DYNC1I1: variants seen among roughly 807,000 people sequenced by gnomAD.
The protein encoded by DYNC1I1 is dynein cytoplasmic 1 intermediate chain 1.
Under a neutral mutation model 86.6 loss-of-function variants are expected in DYNC1I1, and 43 were observed. The ratio of observed to expected loss-of-function variants is 0.50; its 90% CI spans 0.39 to 0.64. The LOEUF (loss-of-function observed/expected upper bound fraction) is 0.64, where lower values mean the gene tolerates loss of function less well. Ranked by LOEUF, DYNC1I1 falls within the 30% of genes least tolerant of loss-of-function variation. The pLI is 0.00. For missense variants in DYNC1I1, 604 were observed against 788.8 expected (o/e 0.77, Z 2.81); for synonymous variants, 262 against 283.7 (o/e 0.92, Z 0.77).
chr7:96,105,967 TTAATGTACATAGAATCA>T (rs1274790120), intron 16 of DYNC1I1, among the ~76,000 whole-genome samples: 1 of 152,190 alleles, frequency 6.6e-6, no homozygotes, highest in Non-Finnish European at 1.5e-5. Context: ...TTATTACCCT[TTAATGTACATAGAATCA>T]TAATGACATC....
At chr7:95,945,780 G>A (rs576805215) in intron 6 of DYNC1I1, among the ~76,000 whole-genome samples, 24 of 152,102 alleles carry the variant, frequency 1.6e-4, no homozygotes, top group Admixed American at 1.4e-3. Context: ...TTAGTAGAGT[G>A]GCTGTTTAAA....
intron 1 of DYNC1I1, among the ~76,000 whole-genome samples, chr7:95,793,669 A>G (rs1422787518): frequency 6.6e-6 from 1 of 152,184 alleles, no homozygotes; most frequent in Non-Finnish European, 1.5e-5. Context: ...TTTGAACTCT[A>G]TTTTAACCAA....
intron 6 of DYNC1I1, among the ~76,000 whole-genome samples, chr7:95,958,115 C>T (rs1792767197): frequency 2.6e-5 from 4 of 152,180 alleles, no homozygotes; most frequent in Admixed American, 2.6e-4. Context: ...GTAGCAACCA[C>T]CTACAGATGT....
At chr7:95,789,215 A>G (rs1224048738) in intron 1 of DYNC1I1, among the ~76,000 whole-genome samples, 1 of 152,190 alleles carries the variant, frequency 6.6e-6, no homozygotes, top group Non-Finnish European at 1.5e-5. Flanking sequence ...AGGGTAGGGA[A>G]TTTGCAGCCA....
At chr7:96,102,289 A>G (rs1791147570), downstream of DYNC1I1, among the ~76,000 whole-genome samples, 1 of 152,006 alleles carries the variant, frequency 6.6e-6, no homozygotes, top group Non-Finnish European at 1.5e-5. Flanking sequence ...AGAATGTTAC[A>G]CTGATCCATT....
intron 4 of DYNC1I1, among the ~76,000 whole-genome samples, chr7:95,815,717 T>A (rs1249018137): frequency 1.3e-5 from 2 of 152,174 alleles, no homozygotes; most frequent in Non-Finnish European, 2.9e-5. Context: ...AGAATATAAC[T>A]CTATGCTCAT....
chr7:96,015,424 C>G (rs971017941), intron 10 of DYNC1I1, among the ~76,000 whole-genome samples: 1 of 152,064 alleles, frequency 6.6e-6, no homozygotes, highest in Admixed American at 6.6e-5. Flanking sequence ...TATGTAAATG[C>G]CCCTTAATGT....
intron 7 of DYNC1I1, among the ~76,000 whole-genome samples, chr7:95,981,418 C>A (rs1793455729): frequency 1.3e-5 from 2 of 151,718 alleles, no homozygotes; most frequent in South Asian, 2.1e-4. Flanking sequence ...AAAGTGGACC[C>A]TAAGTGAAAT....
chr7:95,838,176 T>G (rs1789170481), intron 5 of DYNC1I1, among the ~76,000 whole-genome samples: 1 of 152,198 alleles, frequency 6.6e-6, no homozygotes, highest in African/African-American at 2.4e-5. Context: ...GTCTTACATT[T>G]ATATCTTTTA....
intron 10 of DYNC1I1, among the ~76,000 whole-genome samples, chr7:96,023,541 A>G (rs1794605059): frequency 6.6e-6 from 1 of 152,230 alleles, no homozygotes; most frequent in Non-Finnish European, 1.5e-5. Context: ...AGCCACTTAA[A>G]GACGGGTCTG....
chr7:95,939,460 G>A (rs865847077), intron 6 of DYNC1I1, among the ~76,000 whole-genome samples: 1 of 151,974 alleles, frequency 6.6e-6, no homozygotes, highest in African/African-American at 2.4e-5. Flanking sequence ...CTCAGGACTT[G>A]CTTTATCAAT....
intron 10 of DYNC1I1, among the ~76,000 whole-genome samples, chr7:96,011,079 C>T (rs1023665405): frequency 5.9e-5 from 9 of 152,136 alleles, no homozygotes; most frequent in Non-Finnish European, 8.8e-5. Flanking sequence ...TGCCTTTCTA[C>T]CAATTTCTTC....
At chr7:96,044,904 T>A (rs1789163154) in intron 14 of DYNC1I1, among the ~76,000 whole-genome samples, 1 of 152,136 alleles carries the variant, frequency 6.6e-6, no homozygotes, top group Non-Finnish European at 1.5e-5. Context: ...CCAGAATGTT[T>A]TAGCAGCTTC....
chr7:95,835,992 T>C (rs537848891), intron 5 of DYNC1I1, among the ~76,000 whole-genome samples: 1 of 152,336 alleles, frequency 6.6e-6, no homozygotes, highest in Admixed American at 6.5e-5. Flanking sequence ...AATATTCTTA[T>C]GTGTGAATTT....
intron 5 of DYNC1I1, among the ~76,000 whole-genome samples, chr7:95,855,832 T>C (rs2706868): frequency 0.51 from 77,592 of 152,042 alleles, 21,873 homozygotes; most frequent in Middle Eastern, 0.66. Flanking sequence ...GAACTTACCA[T>C]GAATGGAGCT....
chr7:95,928,221 C>T (rs188161204), intron 6 of DYNC1I1, among the ~76,000 whole-genome samples: 1 of 152,332 alleles, frequency 6.6e-6, no homozygotes, highest in East Asian at 1.9e-4. Context: ...ACTTCCCTGA[C>T]ATTGCTGTTA....
chr7:95,996,145 T>C, intron 10 of DYNC1I1, 72 bp downstream of exon 10: 1 of 1,585,128 alleles, frequency 6.3e-7, no homozygotes, highest in Non-Finnish European at 8.6e-7. Flanking sequence ...GCATTGCATC[T>C]GTCTTATGCT....
intron 16 of DYNC1I1, among the ~76,000 whole-genome samples, chr7:96,087,227 A>G (rs987344035): frequency 6.6e-6 from 1 of 152,240 alleles, no homozygotes; most frequent in Non-Finnish European, 1.5e-5. Context: ...GGAAGTGGGC[A>G]TACGAAACAC....
intron 2 of DYNC1I1, 38 bp downstream of exon 2, chr7:95,804,875 G>GA (rs1794668109): frequency 6.5e-7 from 1 of 1,533,968 alleles, no homozygotes; most frequent in Non-Finnish European, 8.8e-7. Context: ...GGGGAAAAAG[G>GA]AAAATCACTT....
Sources: allele counts gnomAD v4.1 joint callset (sites outside exome capture counted in the v4.1 genomes callset), GRCh38; gene constraint gnomAD v4.1.1; transcripts MANE v1.5; gene names NCBI Gene and HGNC (gene_info 2026-07-23, HGNC 2026-07-21).